Variants in DLGAP2 observed in about 807,000 individuals in gnomAD.
The protein encoded by DLGAP2 is DLG associated protein 2.
In DLGAP2, 26 loss-of-function variants were observed where a neutral mutation model predicts 100.3. The ratio of observed to expected loss-of-function variants is 0.26; its 90% CI spans 0.19 to 0.36. DLGAP2 has a LOEUF of 0.36. DLGAP2 is among the 10% of genes least tolerant of loss of function. The pLI is 1.00. For missense variants in DLGAP2, 1,858 were observed against 1,453.2 expected (o/e 1.28, Z -4.53); for synonymous variants, 886 against 630.1 (o/e 1.41, Z -6.08).
intron 3 of DLGAP2, among the ~76,000 whole-genome samples, chr8:1,490,548 T>C (rs545139954): frequency 1.4e-4 from 22 of 152,312 alleles, no homozygotes; most frequent in African/African-American, 5.3e-4. Context: ...GGAAAGACAG[T>C]GATTCCAGAG....
At chr8:776,002 C>G (rs1821505478) in intron 1 of DLGAP2, among the ~76,000 whole-genome samples, 1 of 151,764 alleles carries the variant, frequency 6.6e-6, no homozygotes, top group Non-Finnish European at 1.5e-5. Context: ...GGTTGGTAAG[C>G]TATTGATTAT....
chr8:1,354,999 G>A (rs542064671), intron 3 of DLGAP2, among the ~76,000 whole-genome samples: 3 of 147,812 alleles, frequency 2.0e-5, no homozygotes, highest in Admixed American at 6.7e-5. Flanking sequence ...ATGATGCTGC[G>A]GATGAGGGTG....
chr8:1,257,445 C>A (rs1799249447), intron 2 of DLGAP2, among the ~76,000 whole-genome samples: 1 of 152,182 alleles, frequency 6.6e-6, no homozygotes, highest in Non-Finnish European at 1.5e-5. Flanking sequence ...ACCCCCCCGC[C>A]CCATCCTTCT....
intron 2 of DLGAP2, among the ~76,000 whole-genome samples, chr8:1,063,570 C>G (rs1287212797): frequency 1.3e-5 from 2 of 150,452 alleles, no homozygotes; most frequent in Non-Finnish European, 2.9e-5. Flanking sequence ...AAAATATGCA[C>G]CTCTTTAAAT....
intron 3 of DLGAP2, among the ~76,000 whole-genome samples, chr8:1,451,877 C>T (rs75036567): frequency 0.032 from 4,950 of 152,362 alleles, 236 homozygotes; most frequent in East Asian, 0.24. Flanking sequence ...CTGTTCCCTC[C>T]ACCAGAGCTC....
intron 1 of DLGAP2, among the ~76,000 whole-genome samples, chr8:861,092 G>A (rs1797380752): frequency 6.6e-6 from 1 of 152,154 alleles, no homozygotes; most frequent in Admixed American, 6.5e-5. Context: ...GGGGCAGTGA[G>A]GTGGGAGGCA....
chr8:1,479,349 G>T (rs574347734), intron 3 of DLGAP2, among the ~76,000 whole-genome samples: 1 of 152,356 alleles, frequency 6.6e-6, no homozygotes, highest in South Asian at 2.1e-4. Context: ...TCATCCCTCA[G>T]GCACTCTGGG....
chr8:1,304,551 A>C (rs1345254867), intron 3 of DLGAP2, among the ~76,000 whole-genome samples: 1 of 152,248 alleles, frequency 6.6e-6, no homozygotes. Flanking sequence ...GTCTGAAGCC[A>C]ACTTTGTTTT....
chr8:1,347,469 GCAT>G (rs1483259765), intron 3 of DLGAP2, among the ~76,000 whole-genome samples: 5 of 151,694 alleles, frequency 3.3e-5, no homozygotes, highest in Admixed American at 6.6e-5. Flanking sequence ...ATACAGAGCT[GCAT>G]TGCTCTCATG....
intron 3 of DLGAP2, among the ~76,000 whole-genome samples, chr8:1,430,683 AG>A (rs1194419119): frequency 6.6e-6 from 1 of 152,216 alleles, no homozygotes. Context: ...ACTTTCTTGA[AG>A]AAAAATTAAT....
chr8:1,047,459 A>G (rs1054300332), intron 2 of DLGAP2, among the ~76,000 whole-genome samples: 6 of 152,352 alleles, frequency 3.9e-5, no homozygotes, highest in African/African-American at 9.6e-5. Flanking sequence ...TCCTTTGAGC[A>G]TTATGTTGGC....
At chr8:829,554 C>T (rs1169437408) in intron 1 of DLGAP2, among the ~76,000 whole-genome samples, 4 of 152,136 alleles carry the variant, frequency 2.6e-5, no homozygotes, top group Non-Finnish European at 2.9e-5. Flanking sequence ...GTAAAAAGGA[C>T]CTTCAATCTT....
intron 4 of DLGAP2, among the ~76,000 whole-genome samples, chr8:1,538,968 C>T (rs572620821): frequency 1.3e-5 from 2 of 150,912 alleles, no homozygotes; most frequent in Admixed American, 6.6e-5. Flanking sequence ...TCACTGCAAC[C>T]TCCACCTCCC....
chr8:1,063,084 G>A (rs1316136615), intron 2 of DLGAP2, among the ~76,000 whole-genome samples: 1 of 152,192 alleles, frequency 6.6e-6, no homozygotes, highest in African/African-American at 2.4e-5. Context: ...GGCTTCCTTT[G>A]TAATGCTGAG....
chr8:1,234,196 G>A lies in DLGAP2; in HGVS notation c.74-24655G>A, dbSNP rs142178230. On this transcript the variant is annotated intron_variant, in intron 2 of 14. Transcript: ENST00000637795. ...TCCTGTGCGGCTGTTGTCGTAGGTGGTGCACCTGTCTGCTGGGACTTCTGT... is the reference window on the plus strand; with the variant it reads ...TCCTGTGCGGCTGTTGTCGTAGGTGATGCACCTGTCTGCTGGGACTTCTGT... 2.8e-4 allele frequency among the ~76,000 whole-genome samples: 43 copies of A among 152,338 alleles called. No homozygotes were observed. In the East Asian group the frequency reaches 7.7e-3, roughly 27 times the overall value.
intron 1 of DLGAP2, among the ~76,000 whole-genome samples, chr8:877,112 A>G (rs966056340): frequency 6.6e-6 from 1 of 151,918 alleles, no homozygotes; most frequent in African/African-American, 2.4e-5. Context: ...TTTTTCTAAT[A>G]AACCTGGCCT....
chr8:1,564,426 C>T (rs1802311511), intron 5 of DLGAP2, among the ~76,000 whole-genome samples: 1 of 152,204 alleles, frequency 6.6e-6, no homozygotes, highest in Non-Finnish European at 1.5e-5. Context: ...ACACAGCAGG[C>T]AGCCTGTGGG....
chr8:969,643 G>C (rs534652889), intron 2 of DLGAP2, among the ~76,000 whole-genome samples: 10 of 152,164 alleles, frequency 6.6e-5, no homozygotes, highest in Admixed American at 3.3e-4. Flanking sequence ...TGCTCTAAAA[G>C]TTCCTTATTT....
chr8:1,380,937 C>CAAAAAAAAAAAAAAAAAA (rs34675828), intron 3 of DLGAP2: 1 of 77,128 alleles, frequency 1.3e-5, no homozygotes, highest in African/African-American at 4.5e-5. Flanking sequence ...GAACATGATT[C>CAAAAAAAAAAAAAAAAAA]AAAAAAAAAA....
Sources: allele counts gnomAD v4.1 joint callset (sites outside exome capture counted in the v4.1 genomes callset), GRCh38; gene constraint gnomAD v4.1.1; transcripts MANE v1.5; gene names NCBI Gene and HGNC (gene_info 2026-07-23, HGNC 2026-07-21).